The following MARK3 variants were observed in gnomAD, a reference collection of about 807,000 sequenced individuals.
MARK3 encodes the protein MAP/microtubule affinity-regulating kinase 3.
Under a neutral mutation model 90.1 loss-of-function variants are expected in MARK3, and 46 were observed. That is an observed-to-expected ratio of 0.51 (90% CI 0.40 to 0.65). The LOEUF is 0.65. Among genes scored for constraint, MARK3 ranks in the 30% least tolerant of loss-of-function variants. The pLI is 0.00. For synonymous variants in MARK3, 321 were observed against 332.6 expected (o/e 0.97, Z 0.38); for missense variants, 818 against 947.2 (o/e 0.86, Z 1.79).
chr14:103,474,488 C>T (rs1486073783), intron 12 of MARK3, among the ~76,000 whole-genome samples: 1 of 152,180 alleles, frequency 6.6e-6, no homozygotes, highest in Non-Finnish European at 1.5e-5. Flanking sequence ...TGCTTCTACA[C>T]CTTCCCCTGT....
chr14:103,458,795 TGTAA>T (rs1237660767), intron 6 of MARK3: 2 of 711,560 alleles, frequency 2.8e-6, no homozygotes, highest in South Asian at 1.5e-5. Flanking sequence ...TGTTTACATT[TGTAA>T]GTGATAGGAC....
At chr14:103,404,161 A>G (rs1017097012) in intron 1 of MARK3, among the ~76,000 whole-genome samples, 9 of 152,194 alleles carry the variant, frequency 5.9e-5, no homozygotes, top group African/African-American at 2.2e-4. Context: ...GATTTGAGTA[A>G]ATTACAAAGC....
At chr14:103,480,542 G>T (rs1411550906) in intron 14 of MARK3, 52 bp downstream of exon 14, 1 of 1,086,774 alleles carries the variant, frequency 9.2e-7, no homozygotes, top group Non-Finnish European at 1.4e-6. Flanking sequence ...AAGAGAAATG[G>T]AAGCATGTTA....
intron 3 of MARK3, among the ~76,000 whole-genome samples, chr14:103,438,736 G>A (rs2092777041): frequency 6.6e-6 from 1 of 151,866 alleles, no homozygotes; most frequent in Admixed American, 6.6e-5. Flanking sequence ...GCTCAAGCCT[G>A]TAATCCCAGC....
intron 16 of MARK3, 104 bp downstream of exon 16, chr14:103,498,632 T>C: frequency 9.1e-7 from 1 of 1,100,836 alleles, no homozygotes; most frequent in Non-Finnish European, 1.2e-6. Context: ...CCTTATAAAC[T>C]AAACTTTCTG....
At chr14:103,393,618 T>C (rs939722881) in intron 1 of MARK3, among the ~76,000 whole-genome samples, 9 of 152,216 alleles carry the variant, frequency 5.9e-5, no homozygotes, top group Non-Finnish European at 1.2e-4. Flanking sequence ...ATTTAAGTTA[T>C]GTAGCTCATG....
chr14:103,460,370 C>T (rs113245047), intron 6 of MARK3, among the ~76,000 whole-genome samples: 6,855 of 152,094 alleles, frequency 0.045, 540 homozygotes, highest in African/African-American at 0.16. Context: ...CAGGCGTGAG[C>T]CACGCGCCCG....
chr14:103,462,202 G>A (rs967133681), intron 6 of MARK3, among the ~76,000 whole-genome samples: 3 of 152,110 alleles, frequency 2.0e-5, no homozygotes, highest in Middle Eastern at 3.2e-3. Context: ...ACGGAAGAAC[G>A]TCCTCACCTA....
chr14:103,409,708 C>T (rs1484606266), intron 2 of MARK3, among the ~76,000 whole-genome samples: 1 of 152,042 alleles, frequency 6.6e-6, no homozygotes, highest in Non-Finnish European at 1.5e-5. Flanking sequence ...AACATGATGA[C>T]AGTTTTTTTA....
chr14:103,424,099 T>C (rs1181624282), intron 2 of MARK3, among the ~76,000 whole-genome samples: 1 of 151,900 alleles, frequency 6.6e-6, no homozygotes, highest in Non-Finnish European at 1.5e-5. Flanking sequence ...TCCCAGCTAC[T>C]TGGGGGAGGC....
chr14:103,420,040 A>G (rs1229845368), intron 2 of MARK3, among the ~76,000 whole-genome samples: 2 of 152,166 alleles, frequency 1.3e-5, no homozygotes, highest in Non-Finnish European at 2.9e-5. Context: ...GGTGAAAGAA[A>G]GCCTTGGTGT....
intron 2 of MARK3, among the ~76,000 whole-genome samples, chr14:103,415,317 A>G (rs1210085159): frequency 2.0e-5 from 3 of 152,174 alleles, no homozygotes; most frequent in Non-Finnish European, 4.4e-5. Context: ...TAGCCTAGTT[A>G]TGGTGTAAGT....
chr14:103,424,642 C>T (rs2092341501), intron 2 of MARK3, among the ~76,000 whole-genome samples: 1 of 151,918 alleles, frequency 6.6e-6, no homozygotes, highest in African/African-American at 2.4e-5. Context: ...CTCAGAAGCT[C>T]AGAGAGAAGA....
intron 5 of MARK3, 65 bp from the exon 6 acceptor site, chr14:103,457,077 A>G (rs2273700): frequency 0.31 from 305,158 of 985,966 alleles, 50,820 homozygotes; most frequent in Middle Eastern, 0.44. Context: ...GTGAAACATC[A>G]ATTTATGGGA....
intron 13 of MARK3, among the ~76,000 whole-genome samples, chr14:103,478,524 T>G (rs11620897): frequency 0.62 from 94,469 of 151,162 alleles, 30,657 homozygotes; most frequent in Middle Eastern, 0.76. Flanking sequence ...GTTCATCCAA[T>G]TTGTAGCATG....
At chr14:103,495,693 C>T (rs2075301366) in intron 15 of MARK3, among the ~76,000 whole-genome samples, 2 of 152,198 alleles carry the variant, frequency 1.3e-5, no homozygotes, top group East Asian at 1.9e-4. Context: ...GCTATTTCCA[C>T]ACCCCCAGAT....
chr14:103,430,438 T>C (rs1427221238), intron 3 of MARK3, among the ~76,000 whole-genome samples: 3 of 119,494 alleles, frequency 2.5e-5, no homozygotes, highest in Non-Finnish European at 4.8e-5. Flanking sequence ...GTCAGCCCCC[T>C]TTGCAGTCAT....
rs150737478 is a variant in MARK3 at position 103,442,176 on chromosome 14, G to A, written c.298-6743G>A. On this transcript the variant is annotated intron_variant, in intron 3 of 17. Transcript: ENST00000429436. The stretch of plus-strand genomic sequence containing the variant: ...GAGGTCAGGAGATTGAGACCATCCT[G>A]GTGAACATGGTGAAGCCCCGTCTCT... Among the ~76,000 whole-genome samples, 311 of 152,194 alleles carry A rather than the reference G, an allele frequency of 2.0e-3. No individual in the cohort carries two copies. In the Middle Eastern group the frequency reaches 0.027, roughly 13 times the overall value.
Position 103,491,760 on chromosome 14 carries a change from A to C in MARK3, c.1587-17A>C. 1.2e-6 allele frequency: 2 copies of C among 1,610,768 alleles called. No homozygotes were observed. Among genetic ancestry groups the C allele is most frequent in the Non-Finnish European group, 1.7e-6 (2 of 1,177,854 alleles). On this transcript the variant is annotated splice_polypyrimidine_tract_variant and intron_variant, in intron 14 of 17. Transcript: ENST00000429436. ...GTATATCATGTTCTGAGAGCTTCTT[A>C]CTTTCTGATCTCATAGCACTATTCC...
Sources: gnomAD v4.1 joint callset for allele counts (sites outside exome capture counted in the v4.1 genomes callset) on GRCh38, gnomAD v4.1.1 for gene constraint, MANE v1.5 for transcripts, NCBI Gene and HGNC (gene_info 2026-07-23, HGNC 2026-07-21) for gene names.